SHTN1: variants seen among roughly 807,000 people sequenced by gnomAD.
SHTN1 encodes shootin-1.
In SHTN1, 42 loss-of-function variants were observed where a neutral mutation model predicts 83.1. The ratio of observed to expected loss-of-function variants is 0.51; its 90% CI spans 0.39 to 0.65. The LOEUF is 0.65. SHTN1 is among the 30% of genes least tolerant of loss of function. The pLI, the probability that SHTN1 is intolerant of heterozygous loss-of-function variation, is 0.00. For missense variants in SHTN1, 622 were observed against 737.8 expected (o/e 0.84, Z 1.82); for synonymous variants, 224 against 247.7 (o/e 0.90, Z 0.90).
intron 1 of SHTN1, among the ~76,000 whole-genome samples, chr10:117,066,768 A>C (rs904933547): frequency 6.6e-6 from 1 of 152,216 alleles, no homozygotes; most frequent in Non-Finnish European, 1.5e-5. Flanking sequence ...GACTTAGAAG[A>C]CTTCTTTCAT....
Position 116,927,407 on chromosome 10 carries a change from C to T in SHTN1, c.1112+385G>A, listed in dbSNP as rs1848781187. On this transcript the variant is annotated intron_variant, in intron 11 of 16. Transcript: ENST00000355371. Reference sequence around the variant, plus strand: ...GAGGTTTAATTGACTCACAGTTCCACATGGCTGGGGAGGCCTCACAATCAT... The same window carrying T: ...GAGGTTTAATTGACTCACAGTTCCATATGGCTGGGGAGGCCTCACAATCAT... 2.0e-5 allele frequency among the ~76,000 whole-genome samples: 3 copies of T among 152,144 alleles called. No individual in the cohort carries two copies. In the South Asian group the frequency reaches 6.2e-4, roughly 32 times the overall value.
chr10:116,888,365 T>C (rs549008185), intron 16 of SHTN1, among the ~76,000 whole-genome samples: 7 of 152,250 alleles, frequency 4.6e-5, no homozygotes, highest in African/African-American at 1.2e-4. Context: ...GCAGAACAAC[T>C]ATGAGTAATA....
chr10:116,963,686 T>C (rs74400437), intron 3 of SHTN1, among the ~76,000 whole-genome samples: 1 of 152,158 alleles, frequency 6.6e-6, no homozygotes, highest in East Asian at 1.9e-4. Flanking sequence ...ACAGTGGGTG[T>C]ATGGGTGTAC....
At chr10:117,112,826 G>A (rs1203982220) in intron 1 of SHTN1, among the ~76,000 whole-genome samples, 2 of 152,146 alleles carry the variant, frequency 1.3e-5, no homozygotes, top group African/African-American at 4.8e-5. Context: ...CTAATTGCAG[G>A]TCTCTGAAAA....
intron 1 of SHTN1, among the ~76,000 whole-genome samples, chr10:117,064,008 G>C (rs1434930071): frequency 6.6e-6 from 1 of 152,134 alleles, no homozygotes; most frequent in Non-Finnish European, 1.5e-5. Context: ...AATAAAGGAT[G>C]GTCCTTTAAA....
At chr10:117,006,239 T>TG (rs1003903229), upstream of SHTN1, among the ~76,000 whole-genome samples, 18 of 21,654 alleles carry the variant, frequency 8.3e-4, no homozygotes, top group Admixed American at 6.3e-3. Flanking sequence ...AGTTTTTTTT[T>TG]GTTTTTTTTT....
chr10:117,035,502 T>G (rs1376402143), intron 2 of SHTN1, among the ~76,000 whole-genome samples: 3 of 152,024 alleles, frequency 2.0e-5, no homozygotes, highest in African/African-American at 7.2e-5. Context: ...AAAAAGCTTT[T>G]GCACAACAAA....
chr10:116,944,805 C>T (rs895521093), intron 8 of SHTN1, 119 bp downstream of exon 8: 1 of 679,052 alleles, frequency 1.5e-6, no homozygotes, highest in Non-Finnish European at 2.6e-6. Context: ...GCATGAGAAT[C>T]GCTTGAATCA....
Position 116,884,223 on chromosome 10 carries a change from A to G in SHTN1, c.*2121T>C, listed in dbSNP as rs1847101300. 2.2e-6 allele frequency: 1 copy of G among 457,468 alleles called. No homozygotes were observed. Among genetic ancestry groups the G allele is most frequent in the African/African-American group, 2.0e-5 (1 of 50,122 alleles). The allele number at this position is 457,468 out of a possible 1,614,324, so 28.3% of individuals were successfully genotyped here. On this transcript the variant is annotated 3_prime_UTR_variant, in exon 17 of 17. Transcript: ENST00000355371. ...TTGCAGATATAAGCACGGTTCTCCT[A>G]TGTCTTCCTATTTGGGATCCCTTGC...
chr10:116,930,370 G>A (rs368308657), intron 9 of SHTN1, among the ~76,000 whole-genome samples: 3 of 151,982 alleles, frequency 2.0e-5, no homozygotes, highest in Admixed American at 6.5e-5. Flanking sequence ...ATACTTTTTC[G>A]ATCCTCTCTC....
chr10:116,942,322 C>T (rs1849407233), intron 8 of SHTN1, among the ~76,000 whole-genome samples: 2 of 151,830 alleles, frequency 1.3e-5, no homozygotes, highest in South Asian at 2.1e-4. Flanking sequence ...AAGTGATTCT[C>T]GTGCCTCAGC....
chr10:116,937,725 G>T (rs1208103044), intron 9 of SHTN1, among the ~76,000 whole-genome samples: 1 of 152,040 alleles, frequency 6.6e-6, no homozygotes, highest in Non-Finnish European at 1.5e-5. Context: ...CTGGGTTGGG[G>T]AAGTTCTCCT....
chr10:116,995,323 C>G (rs919839011), intron 1 of SHTN1, among the ~76,000 whole-genome samples: 1 of 152,078 alleles, frequency 6.6e-6, no homozygotes, highest in Admixed American at 6.5e-5. Flanking sequence ...CTCCAGAAAT[C>G]TAAAGGAGAA....
chr10:116,967,230 G>C (rs999674650), intron 3 of SHTN1, among the ~76,000 whole-genome samples: 1 of 152,066 alleles, frequency 6.6e-6, no homozygotes, highest in African/African-American at 2.4e-5. Context: ...TTTCCATCTG[G>C]TCCCTCTGGG....
In SHTN1 at chr10:117,061,430, T is replaced by C. The variant is rs1039789862; in HGVS notation, c.-188-12920A>G. Among the ~76,000 whole-genome samples the C allele has an allele frequency of 1.9e-4, 29 of 152,238 alleles. No individual in the cohort carries two copies. In the Middle Eastern group the frequency reaches 0.014, roughly 71 times the overall value. On this transcript the variant is annotated intron_variant, in intron 1 of 17. Transcript: ENST00000392901. ...CCAAGCTGGTCTCAAACTCCTGACCTCAGGCGATCCGCCCGCCTTGGCCTC... is the reference window on the plus strand; with the variant it reads ...CCAAGCTGGTCTCAAACTCCTGACCCCAGGCGATCCGCCCGCCTTGGCCTC...
chr10:116,940,405 A>G, intron 9 of SHTN1, 61 bp downstream of exon 9: 1 of 1,497,722 alleles, frequency 6.7e-7, no homozygotes, highest in Non-Finnish European at 9.1e-7. Flanking sequence ...TTCATCTTAA[A>G]TATATGTGTG....
At chr10:116,968,521 C>CA in intron 3 of SHTN1, 131 bp downstream of exon 3, 1 of 607,110 alleles carries the variant, frequency 1.6e-6, no homozygotes, top group Non-Finnish European at 2.8e-6. Flanking sequence ...CATGTTTGGA[C>CA]AAATAGAAAG....
intron 1 of SHTN1, among the ~76,000 whole-genome samples, chr10:117,096,783 C>T (rs1034134020): frequency 3.3e-5 from 5 of 152,170 alleles, no homozygotes; most frequent in Non-Finnish European, 7.3e-5. Context: ...TGGTTCTAAT[C>T]CTCTCCTAGA....
rs527941048 is a variant in SHTN1 at position 116,952,931 on chromosome 10, T to C, written c.437-925A>G. Among the ~76,000 whole-genome samples, 3 of 152,310 alleles carry C rather than the reference T, an allele frequency of 2.0e-5. No individual in the cohort carries two copies. The South Asian group carries it at 6.2e-4, about 32-fold the overall frequency. On this transcript the variant is annotated intron_variant, in intron 5 of 16. Coordinates refer to ENST00000355371, the MANE Select transcript of SHTN1 (RefSeq NM_001127211.3). The stretch of plus-strand genomic sequence containing the variant: ...GCTGGCTAATCCAGAAAGAAGAACA[T>C]GAAACCATATTGTTCAAGCTCGAAC...
Sources: gnomAD v4.1 joint callset for allele counts (sites outside exome capture counted in the v4.1 genomes callset) on GRCh38, gnomAD v4.1.1 for gene constraint, MANE v1.5 for transcripts, NCBI Gene and HGNC (gene_info 2026-07-23, HGNC 2026-07-21) for gene names.